The following GRM5 variants were observed in gnomAD, a reference collection of about 807,000 sequenced individuals.
The protein encoded by GRM5 is glutamate metabotropic receptor 5.
A neutral mutation model predicts 83.1 loss-of-function variants in GRM5; 19 were observed. That is an observed-to-expected ratio of 0.23 (90% CI 0.16 to 0.34). The LOEUF (loss-of-function observed/expected upper bound fraction) is 0.34, where lower values mean the gene tolerates loss of function less well. Ranked by LOEUF, GRM5 falls within the 10% of genes least tolerant of loss-of-function variation. The probability of loss-of-function intolerance (pLI) is 1.00; values close to 1 mark genes in which losing one functional copy is unlikely to be tolerated. For synonymous variants in GRM5, 675 were observed against 633.6 expected, an observed-to-expected ratio of 1.07 and a Z score of -0.98; for missense variants, 1,160 against 1,588.3, an observed-to-expected ratio of 0.73 and a Z score of 4.58.
At chr11:88,916,907 G>T (rs1449227630) in intron 2 of GRM5, among the ~76,000 whole-genome samples, 1 of 152,120 alleles carries the variant, frequency 6.6e-6, no homozygotes, top group Non-Finnish European at 1.5e-5. Context: ...GGGCCAGAAG[G>T]GAACCTGCAG....
intron 2 of GRM5, among the ~76,000 whole-genome samples, chr11:88,860,919 C>G (rs1327956933): frequency 5.9e-5 from 9 of 152,040 alleles, no homozygotes; most frequent in Admixed American, 5.3e-4. Flanking sequence ...AGCCACTTGC[C>G]ACATTGAGAT....
chr11:88,695,361 T>A (rs1212801449), intron 3 of GRM5, among the ~76,000 whole-genome samples: 1 of 152,218 alleles, frequency 6.6e-6, no homozygotes, highest in Non-Finnish European at 1.5e-5. Flanking sequence ...ATTTATATAG[T>A]GGAGCTGTCC....
chr11:88,827,021 G>T (rs982491353), intron 3 of GRM5, among the ~76,000 whole-genome samples: 1 of 152,144 alleles, frequency 6.6e-6, no homozygotes, highest in Admixed American at 6.5e-5. Context: ...GAAGCAAGAG[G>T]TTTATTTGTA....
intron 4 of GRM5, among the ~76,000 whole-genome samples, chr11:88,608,821 C>T (rs1212880729): frequency 2.0e-5 from 3 of 151,962 alleles, no homozygotes; most frequent in African/African-American, 7.3e-5. Context: ...GTGCCGAGCC[C>T]GGATATTTTC....
chr11:88,745,337 G>A (rs1327041196), intron 3 of GRM5, among the ~76,000 whole-genome samples: 1 of 150,380 alleles, frequency 6.6e-6, no homozygotes, highest in Non-Finnish European at 1.5e-5. Flanking sequence ...CTCCCAAGTA[G>A]ATGGGACTAC....
intron 2 of GRM5, among the ~76,000 whole-genome samples, chr11:88,947,032 T>C (rs1938303258): frequency 6.6e-6 from 1 of 152,140 alleles, no homozygotes; most frequent in Non-Finnish European, 1.5e-5. Context: ...AGTAGAAAGC[T>C]TTTTGGCTTT....
chr11:88,706,875 CAAAT>C (rs549079678), intron 3 of GRM5, among the ~76,000 whole-genome samples: 217 of 152,116 alleles, frequency 1.4e-3, no homozygotes, highest in African/African-American at 5.0e-3. Context: ...GTTAAAATGA[CAAAT>C]GAATGGTGTT....
intron 3 of GRM5, among the ~76,000 whole-genome samples, chr11:88,716,693 C>G (rs1247395108): frequency 1.3e-5 from 2 of 151,910 alleles, no homozygotes; most frequent in African/African-American, 4.8e-5. Context: ...TAAATTTACC[C>G]ACTGAGGCAG....
chr11:88,748,813 G>A (rs1272362169), intron 3 of GRM5, among the ~76,000 whole-genome samples: 1 of 152,072 alleles, frequency 6.6e-6, no homozygotes, highest in Non-Finnish European at 1.5e-5. Context: ...GAGGCAACTG[G>A]GTTCTGGAGT....
chr11:88,934,331 G>A (rs527542082), intron 2 of GRM5, among the ~76,000 whole-genome samples: 47 of 151,826 alleles, frequency 3.1e-4, no homozygotes, highest in South Asian at 1.7e-3. Flanking sequence ...CTTATCTTCC[G>A]GATGATAACC....
chr11:88,789,418 A>G (rs1157991334), intron 3 of GRM5, among the ~76,000 whole-genome samples: 6 of 152,178 alleles, frequency 3.9e-5, no homozygotes, highest in Non-Finnish European at 7.3e-5. Context: ...TTAAGAATGA[A>G]TTATTTCGGT....
intron 3 of GRM5, among the ~76,000 whole-genome samples, chr11:88,814,554 G>A (rs959515806): frequency 6.6e-6 from 1 of 152,160 alleles, no homozygotes; most frequent in Non-Finnish European, 1.5e-5. Flanking sequence ...TATTGCCTCT[G>A]CAGTGGAGAA....
chr11:88,983,895 C>A lies in GRM5; in HGVS notation c.661+63317G>T, dbSNP rs565130982. Among the ~76,000 whole-genome samples the A allele has an allele frequency of 5.3e-5, 8 of 151,652 alleles. No homozygotes were observed. In the East Asian group the frequency reaches 1.2e-3, roughly 22 times the overall value. Reference sequence around the variant, plus strand: ...GGTCCTGATTCTTTGTAGACCGAAGCTAATGTGTGTGTTTCTATCTCAGTT... The same window carrying A: ...GGTCCTGATTCTTTGTAGACCGAAGATAATGTGTGTGTTTCTATCTCAGTT... On this transcript the variant is annotated intron_variant, in intron 2 of 9. Transcript: ENST00000305447.
At chr11:89,009,925 A>AAAAAT (rs1940648569) in intron 2 of GRM5, among the ~76,000 whole-genome samples, 1 of 139,902 alleles carries the variant, frequency 7.1e-6, no homozygotes, top group South Asian at 2.2e-4. Flanking sequence ...AAAAAAAAAA[A>AAAAAT]AAAAACACAC....
intron 1 of GRM5, among the ~76,000 whole-genome samples, chr11:89,062,379 G>A (rs957089671): frequency 5.9e-5 from 9 of 152,304 alleles, no homozygotes; most frequent in African/African-American, 1.4e-4. Context: ...AGGGCTGCAC[G>A]TAGTCCTGGT....
intron 2 of GRM5, among the ~76,000 whole-genome samples, chr11:89,005,612 A>AAT (rs1404226855): frequency 6.6e-6 from 1 of 152,176 alleles, no homozygotes; most frequent in Non-Finnish European, 1.5e-5. Flanking sequence ...CCTCAGCTAT[A>AAT]ATATATCTAT....
At chr11:88,888,651 G>A (rs1421448376) in intron 2 of GRM5, among the ~76,000 whole-genome samples, 1 of 152,024 alleles carries the variant, frequency 6.6e-6, no homozygotes, top group East Asian at 1.9e-4. Context: ...TTGGGTTTTT[G>A]GCTTCTCTAT....
intron 3 of GRM5, among the ~76,000 whole-genome samples, chr11:88,770,008 T>C (rs1942700154): frequency 2.0e-5 from 3 of 152,014 alleles, no homozygotes; most frequent in Admixed American, 1.3e-4. Flanking sequence ...TTATAAATCA[T>C]GTTGATAGTA....
At chr11:88,878,444 C>A (rs1944895621) in intron 2 of GRM5, among the ~76,000 whole-genome samples, 1 of 152,142 alleles carries the variant, frequency 6.6e-6, no homozygotes, top group African/African-American at 2.4e-5. Flanking sequence ...TCCATGCACA[C>A]TCCTTGAGTA....
Sources: allele counts gnomAD v4.1 joint callset (sites outside exome capture counted in the v4.1 genomes callset), GRCh38; gene constraint gnomAD v4.1.1; transcripts MANE v1.5; gene names NCBI Gene and HGNC (gene_info 2026-07-23, HGNC 2026-07-21).